The following GLOD4 variants were observed in gnomAD, a reference collection of about 807,000 sequenced individuals.
GLOD4 encodes glyoxalase domain containing 4, also known as glyoxalase domain-containing protein 4.
In GLOD4, 44 loss-of-function variants were observed where a neutral mutation model predicts 39.1. The ratio of observed to expected loss-of-function variants is 1.13; its 90% confidence interval spans 0.88 to 1.45. The LOEUF (loss-of-function observed/expected upper bound fraction) is 1.45, where lower values mean the gene tolerates loss of function less well. Among genes scored for constraint, GLOD4 ranks in the 40% most tolerant of loss-of-function variants. The pLI is 0.00. For synonymous variants in GLOD4, 145 were observed against 135.0 expected, an observed-to-expected ratio of 1.07 and a Z score of -0.52; for missense variants, 405 against 366.4, an observed-to-expected ratio of 1.11 and a Z score of -0.86.
chr17:764,844 A>G (rs1005066308), intron 8 of GLOD4: 1 of 149,304 alleles, frequency 6.7e-6, no homozygotes, highest in African/African-American at 2.4e-5. Flanking sequence ...CGTCTCTACT[A>G]AAAATACAAA....
At chr17:772,013 C>CA (rs67745456) in intron 4 of GLOD4, among the ~76,000 whole-genome samples, 1,695 of 50,802 alleles carry the variant, frequency 0.033, 118 homozygotes, top group African/African-American at 0.12. Flanking sequence ...AACTCTGTCT[C>CA]AAAAAAAAAA....
In GLOD4 at chr17:782,280, C is replaced by A. The variant is rs768033616; in HGVS notation, c.-25G>T. 61 of 1,612,460 alleles carry A rather than the reference C, an allele frequency of 3.8e-5. No homozygotes were observed. The highest frequency in any genetic ancestry group is 4.9e-5 in the Non-Finnish European group (58 of 1,179,078). On this transcript the variant is annotated 5_prime_UTR_variant, in exon 1 of 9. Coordinates refer to ENST00000301329, the MANE Select transcript of GLOD4 (RefSeq NM_016080.4). ...TGATTCCCGCCGCACGCAGCCGTCA[C>A]GCGCACCGTACAGCCCAGTCCACGA... is the stretch of plus-strand genomic sequence containing the variant.
Position 763,154 on chromosome 17 carries a change from G to A in GLOD4, c.832-2916C>T, listed in dbSNP as rs563795139. ...GCCGAGATCACGCCACTGCACTCCA[G>A]CCTGGGCGACAGAGCGAGACTCCGT... On this transcript the variant is annotated intron_variant, in intron 8 of 8. Coordinates refer to ENST00000301329, the MANE Select transcript of GLOD4 (RefSeq NM_016080.4). 1.0e-3 allele frequency among the ~76,000 whole-genome samples: 154 copies of A among 148,470 alleles called. 2 individuals carry two copies. The highest frequency in any genetic ancestry group is 3.7e-3 in the African/African-American group (151 of 40,284).
intron 4 of GLOD4, among the ~76,000 whole-genome samples, chr17:772,050 G>T (rs1031930765): frequency 8.1e-5 from 12 of 148,176 alleles, no homozygotes; most frequent in Non-Finnish European, 1.5e-4. Flanking sequence ...TTAGACAGGC[G>T]TGGTGGCTCA....
At position 778,750 on chromosome 17, in the gene GLOD4, G is replaced by A. The variant is rs1178357233; in HGVS notation, c.91-6C>T. 1.9e-6 allele frequency: 3 copies of A among 1,586,274 alleles called. No individual in the cohort carries two copies. The highest frequency in any genetic ancestry group is 3.3e-5 in the Admixed American group (2 of 59,910). On this transcript the variant is annotated splice_polypyrimidine_tract_variant and splice_region_variant and intron_variant, in intron 1 of 8. Coordinates refer to ENST00000301329, the MANE Select transcript of GLOD4 (RefSeq NM_016080.4). ...AATTCCTCATGCCGCAGAACCTGGT[G>A]TGAGATTTAGAATAAATTGTGAAGT... is the stretch of plus-strand genomic sequence containing the variant.
At chr17:780,456 G>A (rs1909690647) in intron 1 of GLOD4, among the ~76,000 whole-genome samples, 2 of 152,174 alleles carry the variant, frequency 1.3e-5, no homozygotes, top group African/African-American at 4.8e-5. Context: ...GCAAACATGT[G>A]CCATCTCCGC....
intron 8 of GLOD4, among the ~76,000 whole-genome samples, chr17:760,473 A>G (rs1206715720): frequency 3.9e-5 from 6 of 152,218 alleles, no homozygotes; most frequent in Non-Finnish European, 7.3e-5. Flanking sequence ...GGTGATAATG[A>G]GCAACTGTGG....
intron 8 of GLOD4, among the ~76,000 whole-genome samples, chr17:761,850 A>AG (rs1025394062): frequency 1.3e-5 from 2 of 152,142 alleles, no homozygotes; most frequent in African/African-American, 2.4e-5. Context: ...AAAAGAGGAG[A>AG]GGGAAAAAAC....
intron 5 of GLOD4, chr17:770,968 A>G: frequency 4.9e-6 from 1 of 206,164 alleles, no homozygotes; most frequent in South Asian, 9.4e-5. Context: ...CACATCTGTA[A>G]AATAATTCCT....
intron 8 of GLOD4, among the ~76,000 whole-genome samples, chr17:762,492 G>T (rs368343782): frequency 0.012 from 965 of 79,036 alleles, 4 homozygotes; most frequent in East Asian, 0.029. Flanking sequence ...GGCCCCGGCC[G>T]GCACCTACTC....
At chr17:765,137 G>A (rs1197676144) in intron 8 of GLOD4, 1 of 151,158 alleles carries the variant, frequency 6.6e-6, no homozygotes, top group Non-Finnish European at 1.5e-5. Context: ...AGTGACAGAA[G>A]TCAGAATAGC....
At chr17:769,366 G>T (rs563304532) in intron 8 of GLOD4, among the ~76,000 whole-genome samples, 3 of 144,024 alleles carry the variant, frequency 2.1e-5, no homozygotes, top group African/African-American at 7.8e-5. Context: ...TGAGGGGAAC[G>T]GATGGAGGCA....
chr17:774,305 G>C (rs1244452314), intron 4 of GLOD4, among the ~76,000 whole-genome samples: 1 of 152,194 alleles, frequency 6.6e-6, no homozygotes, highest in South Asian at 2.1e-4. Flanking sequence ...ATCGGGGACA[G>C]GAGGCCGACC....
At chr17:769,977 A>T in intron 7 of GLOD4, 22 bp from the exon 8 acceptor site, 1 of 1,579,010 alleles carries the variant, frequency 6.3e-7, no homozygotes, top group Non-Finnish European at 8.7e-7. Context: ...AAGAGAAAAG[A>T]CACCTGCCAA....
upstream of GLOD4, chr17:782,837 G>C: frequency 3.1e-6 from 3 of 975,124 alleles, no homozygotes; most frequent in South Asian, 1.8e-5. Flanking sequence ...AAGCGTCTTT[G>C]GAATTAGCTT....
Position 769,863 on chromosome 17 carries a change from ACT to A in GLOD4, c.831+4_831+5del, listed in dbSNP as rs761994898. On this transcript the variant is annotated splice_donor_5th_base_variant and intron_variant, in intron 8 of 8. Coordinates refer to ENST00000301329, the MANE Select transcript of GLOD4 (RefSeq NM_016080.4). ...ATGGTGACATAAATGTAGAAATGGG[ACT>A]CACATCATCCAACAATTTGCTTCCC... The A allele has an allele frequency of 2.7e-6, 4 of 1,500,566 alleles. No homozygotes were observed. The highest frequency in any genetic ancestry group is 3.7e-6 in the Non-Finnish European group (4 of 1,076,204). 93.0% of individuals were successfully genotyped at this position (1,500,566 alleles called of 1,614,324 possible).
chr17:761,205 C>T (rs1364075126), intron 8 of GLOD4, among the ~76,000 whole-genome samples: 12 of 152,098 alleles, frequency 7.9e-5, no homozygotes, highest in Admixed American at 2.0e-4. Context: ...GCTATAATAT[C>T]TACCTCAGCA....
In GLOD4 at chr17:775,868, A is replaced by G. The variant is rs1597586193; in HGVS notation, c.313T>C (p.Trp105Arg). 3 of 1,613,246 alleles carry G rather than the reference A, an allele frequency of 1.9e-6. No homozygotes were observed. The South Asian group carries it at 3.3e-5, about 18-fold the overall frequency. ...QAVSNARKLE[W>R]PLTEVAEGVF... ...CCTTCTGCAACTTCCGTCAGTGGCC[A>G]CTCCAGCTTCCTGGCGTTGCTGACA... The change falls in exon 4 of 9, where the codon TGG (tryptophan) becomes CGG (arginine). Residue 105 changes from tryptophan to arginine, a missense_variant. Physicochemically the swap from Trp to Arg is moderately radical, Grantham distance 101 (BLOSUM62 -3). Coordinates refer to ENST00000301329, the MANE Select transcript of GLOD4 (RefSeq NM_016080.4).
At chr17:782,983 C>G, upstream of GLOD4, 2 of 1,476,276 alleles carry the variant, frequency 1.4e-6, no homozygotes, top group African/African-American at 1.4e-5. Flanking sequence ...CCACCGCGCC[C>G]GGCCCTCTCC....
Sources: allele counts gnomAD v4.1 joint callset (sites outside exome capture counted in the v4.1 genomes callset), GRCh38; gene constraint gnomAD v4.1.1; transcripts MANE v1.5; gene names NCBI Gene and HGNC (gene_info 2026-07-23, HGNC 2026-07-21).